AUH: variants seen among roughly 807,000 people sequenced by gnomAD.
AUH encodes methylglutaconyl-CoA hydratase, mitochondrial.
Under a neutral mutation model 42.3 loss-of-function variants are expected in AUH, and 29 were observed. That is an observed-to-expected ratio of 0.69 (90% CI 0.51 to 0.93). AUH has a LOEUF of 0.93. AUH is among the 40% of genes least tolerant of loss of function. The pLI is 0.00. For synonymous variants in AUH, 174 were observed against 166.4 expected, an observed-to-expected ratio of 1.05 and a Z score of -0.35; for missense variants, 452 against 438.1, an observed-to-expected ratio of 1.03 and a Z score of -0.28.
At chr9:91,357,318 T>C (rs538371485) in intron 1 of AUH, among the ~76,000 whole-genome samples, 1 of 152,258 alleles carries the variant, frequency 6.6e-6, no homozygotes, top group Admixed American at 6.5e-5. Flanking sequence ...GATAAAGAAA[T>C]GGAGACTTGG....
chr9:91,340,161 G>C (rs1053798755), intron 3 of AUH, among the ~76,000 whole-genome samples: 1 of 152,228 alleles, frequency 6.6e-6, no homozygotes, highest in African/African-American at 2.4e-5. Context: ...AGCAGGAATA[G>C]AGAGAACTTG....
chr9:91,291,821 T>A (rs1040951253), intron 6 of AUH, among the ~76,000 whole-genome samples: 37 of 151,942 alleles, frequency 2.4e-4, no homozygotes, highest in African/African-American at 8.5e-4. Context: ...GTTACTGTTG[T>A]TTCATTCATA....
At chr9:91,230,558 A>C (rs1444460980) in intron 6 of AUH, among the ~76,000 whole-genome samples, 3 of 152,180 alleles carry the variant, frequency 2.0e-5, no homozygotes, top group African/African-American at 7.2e-5. Context: ...TCAGCTCGTC[A>C]AAGTCATTCT....
intron 4 of AUH, among the ~76,000 whole-genome samples, chr9:91,301,110 A>G (rs1183639645): frequency 1.3e-5 from 2 of 152,200 alleles, no homozygotes; most frequent in Non-Finnish European, 2.9e-5. Flanking sequence ...TGTTTAATAA[A>G]GAAATAAACA....
intron 3 of AUH, among the ~76,000 whole-genome samples, chr9:91,327,364 A>G (rs1830029994): frequency 1.3e-5 from 2 of 152,118 alleles, no homozygotes; most frequent in African/African-American, 4.8e-5. Flanking sequence ...TTCTATCCCC[A>G]TATTACCCTC....
At chr9:91,226,156 C>G (rs1427974906) in intron 6 of AUH, among the ~76,000 whole-genome samples, 1 of 150,706 alleles carries the variant, frequency 6.6e-6, no homozygotes, top group Non-Finnish European at 1.5e-5. Context: ...AACTAGTTTA[C>G]AGTCCCACCA....
chr9:91,220,705 G>T, intron 7 of AUH, 100 bp downstream of exon 7: 6 of 1,323,106 alleles, frequency 4.5e-6, no homozygotes, highest in Non-Finnish European at 6.4e-6. Context: ...TTGGAAGCAA[G>T]CCAGGGACTT....
chr9:91,228,823 T>A (rs1283894496), intron 6 of AUH, among the ~76,000 whole-genome samples: 1 of 152,234 alleles, frequency 6.6e-6, no homozygotes, highest in Non-Finnish European at 1.5e-5. Context: ...CCAGTAGTCA[T>A]TTAGGAGCAG....
chr9:91,291,437 A>T (rs1826877856), intron 6 of AUH, among the ~76,000 whole-genome samples: 1 of 152,230 alleles, frequency 6.6e-6, no homozygotes, highest in Non-Finnish European at 1.5e-5. Context: ...GAAATATGTC[A>T]CATCACCCTT....
chr9:91,303,768 AAAATCT>A (rs1347996203), intron 4 of AUH, among the ~76,000 whole-genome samples: 4 of 152,262 alleles, frequency 2.6e-5, no homozygotes, highest in Non-Finnish European at 5.9e-5. Flanking sequence ...GAATAGAAAT[AAAATCT>A]AAGTTAACTG....
intron 4 of AUH, among the ~76,000 whole-genome samples, chr9:91,322,766 C>G: frequency 6.6e-6 from 1 of 152,118 alleles, no homozygotes. Context: ...CTTTATGATT[C>G]TACCAAAAGC....
At chr9:91,274,298 G>A (rs1825379137) in intron 6 of AUH, among the ~76,000 whole-genome samples, 1 of 152,188 alleles carries the variant, frequency 6.6e-6, no homozygotes, top group Admixed American at 6.5e-5. Context: ...GCTAGATACT[G>A]TTAATACAGT....
intron 6 of AUH, among the ~76,000 whole-genome samples, chr9:91,232,253 C>T (rs1351184436): frequency 2.0e-5 from 3 of 152,018 alleles, no homozygotes; most frequent in African/African-American, 7.3e-5. Flanking sequence ...AGCCAGGCAT[C>T]GCATGCTGAC....
intron 4 of AUH, among the ~76,000 whole-genome samples, chr9:91,313,675 G>C (rs1043876736): frequency 7.4e-6 from 1 of 135,884 alleles, no homozygotes. Flanking sequence ...ACTGCAGTCC[G>C]CAGTCCGGCC....
intron 6 of AUH, among the ~76,000 whole-genome samples, chr9:91,276,414 CAAAA>C (rs58728272): frequency 3.6e-5 from 4 of 110,298 alleles, no homozygotes; most frequent in African/African-American, 6.3e-5. Flanking sequence ...CCCTGTCTCC[CAAAA>C]AAAAAAAAAA....
intron 4 of AUH, among the ~76,000 whole-genome samples, chr9:91,309,737 T>A (rs1420290110): frequency 6.6e-6 from 1 of 152,094 alleles, no homozygotes; most frequent in Non-Finnish European, 1.5e-5. Context: ...GGGTGATGGG[T>A]TCACTAGGAG....
chr9:91,319,212 CCTTGTATTGTTG>C (rs1184455190), intron 4 of AUH, among the ~76,000 whole-genome samples: 1 of 152,106 alleles, frequency 6.6e-6, no homozygotes, highest in Non-Finnish European at 1.5e-5. Context: ...CATTTCTGTT[CCTTGTATTGTTG>C]CTTTAGTTCA....
chr9:91,254,254 A>T (rs987787018), intron 6 of AUH, among the ~76,000 whole-genome samples: 9 of 152,212 alleles, frequency 5.9e-5, no homozygotes, highest in African/African-American at 1.9e-4. Flanking sequence ...AAGGTAATGT[A>T]AGAGGATTAA....
At chr9:91,247,515 A>T (rs1474021797) in intron 6 of AUH, among the ~76,000 whole-genome samples, 1 of 152,042 alleles carries the variant, frequency 6.6e-6, no homozygotes, top group Non-Finnish European at 1.5e-5. Context: ...TCCCTGACAC[A>T]TGGGGCTCTG....
Sources: allele counts gnomAD v4.1 joint callset (sites outside exome capture counted in the v4.1 genomes callset), GRCh38; gene constraint gnomAD v4.1.1; transcripts MANE v1.5; gene names NCBI Gene and HGNC (gene_info 2026-07-23, HGNC 2026-07-21).